Variants in CHRM2 observed in about 807,000 individuals in gnomAD.
CHRM2 encodes muscarinic acetylcholine receptor M2.
Under a neutral mutation model 25.0 loss-of-function variants are expected in CHRM2, and 8 were observed. The observed-to-expected ratio is 0.32, with a 90% CI of 0.19 to 0.58. CHRM2 has a LOEUF of 0.58. CHRM2 is among the 20% of genes least tolerant of loss of function. The pLI is 0.88. For synonymous variants in CHRM2, 202 were observed against 205.7 expected (o/e 0.98, Z 0.15); for missense variants, 440 against 567.1 (o/e 0.78, Z 2.28).
chr7:136,977,699 T>A (rs936527290), intron 2 of CHRM2, among the ~76,000 whole-genome samples: 1 of 152,148 alleles, frequency 6.6e-6, no homozygotes, highest in Non-Finnish European at 1.5e-5. Context: ...GGAGAATAAA[T>A]GGCATGCACA....
At chr7:136,911,590 C>G (rs1321827266) in intron 2 of CHRM2, among the ~76,000 whole-genome samples, 4 of 152,016 alleles carry the variant, frequency 2.6e-5, no homozygotes, top group South Asian at 2.1e-4. Context: ...AAGGAGCCAC[C>G]AAGTGGCAAT....
intron 2 of CHRM2, among the ~76,000 whole-genome samples, chr7:136,962,317 TAG>T (rs1369895787): frequency 2.0e-5 from 3 of 152,080 alleles, no homozygotes; most frequent in African/African-American, 7.2e-5. Flanking sequence ...GTATTTTTAG[TAG>T]AGACAGGGTT....
chr7:136,935,872 G>A (rs546924581), intron 2 of CHRM2, among the ~76,000 whole-genome samples: 1 of 152,080 alleles, frequency 6.6e-6, no homozygotes, highest in South Asian at 2.1e-4. Context: ...TGAGAAAACA[G>A]AAAAAACTTA....
At chr7:136,906,594 G>C (rs1460402052) in intron 2 of CHRM2, among the ~76,000 whole-genome samples, 1 of 151,490 alleles carries the variant, frequency 6.6e-6, no homozygotes, top group Non-Finnish European at 1.5e-5. Context: ...GGATATATTT[G>C]TAATTTTTTT....
intron 2 of CHRM2, among the ~76,000 whole-genome samples, chr7:136,874,533 T>TC (rs199593444): frequency 0.022 from 2,977 of 135,888 alleles, 45 homozygotes; most frequent in South Asian, 0.049. Flanking sequence ...CTCTTTTTTT[T>TC]CTCTGTCTTC....
chr7:136,915,186 G>A (rs994851077), intron 2 of CHRM2, among the ~76,000 whole-genome samples: 1 of 151,872 alleles, frequency 6.6e-6, no homozygotes, highest in Non-Finnish European at 1.5e-5. Flanking sequence ...GCTACGGCAA[G>A]TCTCATTTTG....
intron 2 of CHRM2, among the ~76,000 whole-genome samples, chr7:136,894,098 T>A (rs1341464091): frequency 6.6e-6 from 1 of 152,130 alleles, no homozygotes; most frequent in Non-Finnish European, 1.5e-5. Flanking sequence ...TATCCTCAGC[T>A]TGGAGGTGAC....
intron 2 of CHRM2, among the ~76,000 whole-genome samples, chr7:136,930,593 G>GA (rs11284479): frequency 2.7e-5 from 4 of 150,602 alleles, no homozygotes; most frequent in Admixed American, 2.0e-4. Context: ...TATACGATAG[G>GA]AAAAAAAAAA....
At chr7:136,896,561 A>ATT (rs1275252557) in intron 2 of CHRM2, among the ~76,000 whole-genome samples, 3 of 151,574 alleles carry the variant, frequency 2.0e-5, no homozygotes, top group African/African-American at 7.3e-5. Context: ...TCTACCTTGC[A>ATT]TTGTGTGTGT....
intron 2 of CHRM2, among the ~76,000 whole-genome samples, chr7:136,984,723 C>A (rs1343318767): frequency 6.6e-6 from 1 of 152,074 alleles, no homozygotes; most frequent in African/African-American, 2.4e-5. Flanking sequence ...CCTTGCACTT[C>A]CTGGGTGAGG....
At chr7:136,988,067 G>A (rs1040272698) in intron 2 of CHRM2, among the ~76,000 whole-genome samples, 6 of 149,968 alleles carry the variant, frequency 4.0e-5, no homozygotes, top group Admixed American at 4.0e-4. Flanking sequence ...TTACATATAT[G>A]AATATATAAA....
chr7:136,903,349 C>G, intron 2 of CHRM2: 1 of 407,738 alleles, frequency 2.5e-6, no homozygotes, highest in South Asian at 2.0e-5. Flanking sequence ...GTGCAAATCT[C>G]CTTCAAAAGG....
chr7:136,975,326 G>A (rs1802041898), intron 2 of CHRM2, among the ~76,000 whole-genome samples: 1 of 152,066 alleles, frequency 6.6e-6, no homozygotes, highest in Admixed American at 6.5e-5. Context: ...CTAAAAAAGT[G>A]GAGTAAATGG....
intron 2 of CHRM2, among the ~76,000 whole-genome samples, chr7:136,931,969 C>T (rs989861653): frequency 6.6e-6 from 1 of 152,028 alleles, no homozygotes; most frequent in African/African-American, 2.4e-5. Flanking sequence ...ATTAAGGTTG[C>T]CTTAGAAACC....
chr7:136,904,638 T>C (rs574183716), intron 2 of CHRM2, among the ~76,000 whole-genome samples: 2 of 152,084 alleles, frequency 1.3e-5, no homozygotes, highest in Non-Finnish European at 2.9e-5. Flanking sequence ...AAATAATTTC[T>C]TGAGTTTAAA....
chr7:136,932,456 G>C (rs1240306905), intron 2 of CHRM2, among the ~76,000 whole-genome samples: 1 of 152,146 alleles, frequency 6.6e-6, no homozygotes, highest in Non-Finnish European at 1.5e-5. Context: ...TTTCTAGTCA[G>C]ACAGAATAAA....
chr7:136,988,639 A>G lies in CHRM2; in HGVS notation c.-124-3548A>G, dbSNP rs187181744. Among the ~76,000 whole-genome samples, 340 of 152,252 alleles carry G rather than the reference A, an allele frequency of 2.2e-3. 2 individuals carry two copies. Among genetic ancestry groups the G allele is most frequent in the African/African-American group, 5.4e-3 (226 of 41,556 alleles). ...ATTTCTTCTCTCATGACTGTCAACAAATAGAGTAGACAAATAATAATTTAC... is the reference window on the plus strand; with the variant it reads ...ATTTCTTCTCTCATGACTGTCAACAGATAGAGTAGACAAATAATAATTTAC... On this transcript the variant is annotated intron_variant, in intron 2 of 3. Coordinates refer to ENST00000680005, the MANE Select transcript of CHRM2 (RefSeq NM_001006630.2).
intron 2 of CHRM2, among the ~76,000 whole-genome samples, chr7:136,918,177 T>C (rs1203282181): frequency 1.3e-5 from 2 of 152,104 alleles, no homozygotes; most frequent in African/African-American, 4.8e-5. Flanking sequence ...CTGTTCACTT[T>C]AAAGTTTTAG....
intron 2 of CHRM2, among the ~76,000 whole-genome samples, chr7:136,943,866 G>A (rs1258332115): frequency 2.6e-5 from 4 of 152,054 alleles, no homozygotes; most frequent in Non-Finnish European, 5.9e-5. Flanking sequence ...GCAAAACACT[G>A]GCTAATAGAC....
Sources: gnomAD v4.1 joint callset for allele counts (sites outside exome capture counted in the v4.1 genomes callset) on GRCh38, gnomAD v4.1.1 for gene constraint, MANE v1.5 for transcripts, NCBI Gene and HGNC (gene_info 2026-07-23, HGNC 2026-07-21) for gene names.